The following RAB27B variants were observed in gnomAD, a reference collection of about 807,000 sequenced individuals.
The protein encoded by RAB27B is RAB27B, member RAS oncogene family.
Under a neutral mutation model 24.6 loss-of-function variants are expected in RAB27B, and 15 were observed. That is an observed-to-expected ratio of 0.61 (90% confidence interval 0.41 to 0.94). The LOEUF (loss-of-function observed/expected upper bound fraction) is 0.94. Among genes scored for constraint, RAB27B ranks in the 40% least tolerant of loss-of-function variants. RAB27B has a pLI of 0.00. For synonymous variants in RAB27B, 105 were observed against 92.5 expected (o/e 1.14, Z -0.78); for missense variants, 261 against 266.8 (o/e 0.98, Z 0.15).
chr18:54,785,140 C>T (rs773775234), intron 2 of RAB27B, among the ~76,000 whole-genome samples: 4 of 151,030 alleles, frequency 2.6e-5, no homozygotes, highest in African/African-American at 7.3e-5. Flanking sequence ...CTCGCTCTGT[C>T]GCCCAGGCTG....
intron 2 of RAB27B, among the ~76,000 whole-genome samples, chr18:54,755,241 T>C (rs926249207): frequency 6.6e-6 from 1 of 151,848 alleles, no homozygotes; most frequent in Non-Finnish European, 1.5e-5. Context: ...AATACAAAAA[T>C]TAGCTGGGCA....
At chr18:54,838,919 GT>G (rs923452298) in intron 1 of RAB27B, among the ~76,000 whole-genome samples, 1 of 152,028 alleles carries the variant, frequency 6.6e-6, no homozygotes, top group Non-Finnish European at 1.5e-5. Context: ...ATATCAATGT[GT>G]TTTTTCTTGT....
At chr18:54,799,197 G>T (rs184724323) in intron 2 of RAB27B, among the ~76,000 whole-genome samples, 1 of 152,194 alleles carries the variant, frequency 6.6e-6, no homozygotes, top group East Asian at 1.9e-4. Flanking sequence ...ATCATGCTAG[G>T]ATCATGAGGG....
At chr18:54,849,420 A>G (rs1349763189) in intron 1 of RAB27B, among the ~76,000 whole-genome samples, 1 of 152,198 alleles carries the variant, frequency 6.6e-6, no homozygotes, top group African/African-American at 2.4e-5. Flanking sequence ...CACCTGCACT[A>G]TAAAGAAGGT....
intron 2 of RAB27B, among the ~76,000 whole-genome samples, chr18:54,735,780 C>T (rs1025898755): frequency 1.3e-5 from 2 of 152,116 alleles, no homozygotes; most frequent in Admixed American, 6.6e-5. Context: ...CCTTGGCCTC[C>T]CAAGGTGCTG....
At chr18:54,810,852 A>AT (rs1909939400) in intron 2 of RAB27B, among the ~76,000 whole-genome samples, 1 of 149,690 alleles carries the variant, frequency 6.7e-6, no homozygotes, top group African/African-American at 2.4e-5. Flanking sequence ...AAATAAATAA[A>AT]TAAATAAATA....
intron 1 of RAB27B, among the ~76,000 whole-genome samples, chr18:54,848,547 A>C (rs1229108747): frequency 6.6e-6 from 1 of 152,248 alleles, no homozygotes; most frequent in African/African-American, 2.4e-5. Context: ...GATATAAACC[A>C]TTCAGTTCCT....
chr18:54,894,092 C>T lies in RAB27B; in HGVS notation c.*4679C>T, dbSNP rs1913477168. On this transcript the variant is annotated 3_prime_UTR_variant, in exon 6 of 6. Coordinates refer to ENST00000262094, the MANE Select transcript of RAB27B (RefSeq NM_004163.4). ...AGATTTATGATATTTTCATAAAGCACTTGATTAGTTTTTCAAGGCGTACCA... is the reference window on the plus strand; with the variant it reads ...AGATTTATGATATTTTCATAAAGCATTTGATTAGTTTTTCAAGGCGTACCA... 1 of 151,790 alleles carries T rather than the reference C, an allele frequency of 6.6e-6. No homozygotes were observed. The highest frequency in any genetic ancestry group is 1.5e-5 in the Non-Finnish European group (1 of 67,882). The allele number at this position is 151,790 out of a possible 1,614,324, so 9.4% of individuals were successfully genotyped here. A position where few individuals can be genotyped will look rare whatever the true frequency, so the allele number is the denominator to read the frequency against.
In RAB27B at chr18:54,891,279, G is replaced by A. The variant is rs1232494433; in HGVS notation, c.*1866G>A. On this transcript the variant is annotated 3_prime_UTR_variant, in exon 6 of 6. Coordinates refer to ENST00000262094, the MANE Select transcript of RAB27B (RefSeq NM_004163.4). ...GAATCAAAATATTAATAATTTGAAA[G>A]CTTTCATGCTGTTAGCCCCTGATGA... 6.6e-6 allele frequency: 1 copy of A among 151,076 alleles called. No individual in the cohort carries two copies. The highest frequency in any genetic ancestry group is 1.9e-4 in the East Asian group (1 of 5,184). 9.4% of individuals were successfully genotyped at this position (151,076 alleles called of 1,614,324 possible). A position where few individuals can be genotyped will look rare whatever the true frequency, so the allele number is the denominator to read the frequency against.
At chr18:54,840,927 T>C (rs1038385657) in intron 1 of RAB27B, among the ~76,000 whole-genome samples, 1 of 152,026 alleles carries the variant, frequency 6.6e-6, no homozygotes, top group African/African-American at 2.4e-5. Context: ...GGCAGGCGGA[T>C]CATGAGGTCA....
Position 54,727,648 on chromosome 18 carries a change from A to G in RAB27B, c.-20+9507A>G, listed in dbSNP as rs536739402. ...TAATACTAAATAAAGATAGTTGTAT[A>G]TTGTTTTAAACAAATTTAGATTTGC... On this transcript the variant is annotated intron_variant, in intron 2 of 4. Coordinates refer to the RAB27B transcript ENST00000586570. Among the ~76,000 whole-genome samples, 455 of 152,318 alleles carry G rather than the reference A, an allele frequency of 3.0e-3. 5 individuals are homozygous for G. The highest frequency in any genetic ancestry group is 0.011 in the African/African-American group (444 of 41,568).
At chr18:54,880,342 G>C (rs1395018323) in intron 3 of RAB27B, 1 of 152,104 alleles carries the variant, frequency 6.6e-6, no homozygotes, top group Non-Finnish European at 1.5e-5. Context: ...AAATTTCAAA[G>C]TGCAAAAGAC....
At chr18:54,829,532 G>T (rs1050014558) in intron 1 of RAB27B, among the ~76,000 whole-genome samples, 1 of 152,008 alleles carries the variant, frequency 6.6e-6, no homozygotes, top group African/African-American at 2.4e-5. Context: ...AAATTTCAAG[G>T]TTATTAACAA....
chr18:54,785,560 A>G (rs1261146558), intron 2 of RAB27B, among the ~76,000 whole-genome samples: 1 of 150,480 alleles, frequency 6.6e-6, no homozygotes, highest in Non-Finnish European at 1.5e-5. Flanking sequence ...TCCCTCAGTA[A>G]CAACACCTTA....
Position 54,877,701 on chromosome 18 carries a change from T to C in RAB27B, c.116T>C (p.Ile39Thr), listed in dbSNP as rs1912760782. Residue 39 changes from isoleucine to threonine, a missense_variant, in exon 2 of 6, where the codon ATC becomes ACC. Transcript: ENST00000262094. ...GATAATAAATTCAATCCCAAATTCA[T>C]CACTACAGTAGGAATAGACTTTCGG... Reference protein sequence around the residue: ...YTDNKFNPKFITTVGIDFREK... With the variant: ...YTDNKFNPKFTTTVGIDFREK... 1.3e-6 allele frequency: 2 copies of C among 1,595,858 alleles called. No homozygotes were observed. The highest frequency in any genetic ancestry group is 1.7e-6 in the Non-Finnish European group (2 of 1,175,342).
Position 54,838,455 on chromosome 18 carries a change from C to G in RAB27B, c.-20+9755C>G, listed in dbSNP as rs1910979832. ...ATTACATTTATAAAAATTCTTTATA[C>G]CACCATCTGGGTGCTTCACACTCTC... On this transcript the variant is annotated intron_variant, in intron 1 of 5. Transcript: ENST00000262094. Among the ~76,000 whole-genome samples, 7 of 152,176 alleles carry G rather than the reference C, an allele frequency of 4.6e-5. No individual in the cohort carries two copies. In the South Asian group the frequency reaches 1.5e-3, roughly 32 times the overall value.
intron 2 of RAB27B, among the ~76,000 whole-genome samples, chr18:54,817,782 T>C (rs1283414799): frequency 6.6e-6 from 1 of 151,798 alleles, no homozygotes; most frequent in Non-Finnish European, 1.5e-5. Flanking sequence ...CAGAAATTAG[T>C]GTCACCGTTA....
At chr18:54,877,503 T>A in intron 1 of RAB27B, 64 bp from the exon 2 acceptor site, 4 of 1,218,512 alleles carry the variant, frequency 3.3e-6, no homozygotes, top group Non-Finnish European at 4.3e-6. Context: ...ATGTCATATT[T>A]TGATATAAAG....
intron 2 of RAB27B, among the ~76,000 whole-genome samples, chr18:54,732,824 G>C (rs1909768505): frequency 6.6e-6 from 1 of 152,188 alleles, no homozygotes; most frequent in South Asian, 2.1e-4. Context: ...ACCTCTATAG[G>C]TTAACAAGCA....
Sources: allele counts gnomAD v4.1 joint callset (sites outside exome capture counted in the v4.1 genomes callset), GRCh38; gene constraint gnomAD v4.1.1; transcripts MANE v1.5; gene names NCBI Gene and HGNC (gene_info 2026-07-23, HGNC 2026-07-21).